Variants in COBL observed in about 807,000 individuals in gnomAD.
The protein encoded by COBL is protein cordon-bleu.
Under a neutral mutation model 98.8 loss-of-function variants are expected in COBL, and 51 were observed. The observed-to-expected ratio is 0.52, with a 90% CI of 0.41 to 0.65. The LOEUF is 0.65. Among genes scored for constraint, COBL ranks in the 30% least tolerant of loss-of-function variants. The pLI, the probability that COBL is intolerant of heterozygous loss-of-function variation, is 0.00. For missense variants in COBL, 1,617 were observed against 1,617.5 expected (o/e 1.00, Z 0.01); for synonymous variants, 634 against 651.7 (o/e 0.97, Z 0.41).
chr7:51,234,603 A>C (rs1293400173), intron 1 of COBL, among the ~76,000 whole-genome samples: 1 of 148,282 alleles, frequency 6.7e-6, no homozygotes, highest in Non-Finnish European at 1.5e-5. Context: ...CTGGTGGCTG[A>C]GGTGGAAGAA....
intron 1 of COBL, among the ~76,000 whole-genome samples, chr7:51,261,890 G>T (rs1797752792): frequency 6.6e-6 from 1 of 152,152 alleles, no homozygotes; most frequent in African/African-American, 2.4e-5. Context: ...GGAGGTTGCA[G>T]TGAGCCAAGA....
In COBL at chr7:51,017,346, G is replaced by C. The variant is rs753620080; in HGVS notation, c.*205C>G. The C allele has an allele frequency of 6.6e-6, 4 of 609,552 alleles. No individual in the cohort carries two copies. The Admixed American group carries it at 1.1e-4, about 17-fold the overall frequency. 37.8% of individuals were successfully genotyped at this position (609,552 alleles called of 1,614,324 possible). ...TTCAGAGGCAAAACACATTTCCTTG[G>C]CACACGAGCTGCGCAGCGACACAGC... On this transcript the variant is annotated 3_prime_UTR_variant, in exon 13 of 13. Coordinates refer to ENST00000265136, the MANE Select transcript of COBL (RefSeq NM_015198.5).
chr7:51,265,674 G>A (rs1421996947), intron 1 of COBL, among the ~76,000 whole-genome samples: 2 of 152,216 alleles, frequency 1.3e-5, no homozygotes, highest in African/African-American at 4.8e-5. Context: ...GGGGCAGGTA[G>A]GTGGGCTGGC....
chr7:51,161,429 C>T (rs187076544), intron 5 of COBL, among the ~76,000 whole-genome samples: 8 of 152,318 alleles, frequency 5.3e-5, no homozygotes, highest in African/African-American at 1.9e-4. Flanking sequence ...TAAATGCCTG[C>T]CTCCAATACT....
At chr7:51,136,136 T>G in intron 6 of COBL, 22 bp downstream of exon 6, 3 of 1,598,100 alleles carry the variant, frequency 1.9e-6, no homozygotes, top group Non-Finnish European at 2.6e-6. Flanking sequence ...GCTTTGGTTG[T>G]GAGAACAGCC....
intron 5 of COBL, among the ~76,000 whole-genome samples, chr7:51,182,320 C>T (rs1390094757): frequency 6.7e-6 from 1 of 150,064 alleles, no homozygotes; most frequent in Admixed American, 6.6e-5. Context: ...CTCGCTCTGT[C>T]GCCCAGGCTG....
At chr7:51,049,314 G>A (rs1790016197) in intron 7 of COBL, among the ~76,000 whole-genome samples, 1 of 152,178 alleles carries the variant, frequency 6.6e-6, no homozygotes, top group Non-Finnish European at 1.5e-5. Flanking sequence ...TGAGTTTCCT[G>A]ATGGGTGAGG....
intron 1 of COBL, among the ~76,000 whole-genome samples, chr7:51,238,295 C>T (rs945281757): frequency 6.6e-6 from 1 of 152,186 alleles, no homozygotes. Context: ...TTCTTTGGAG[C>T]AAGGATGGCT....
At chr7:51,286,936 G>C (rs1025819945) in intron 1 of COBL, among the ~76,000 whole-genome samples, 1 of 152,126 alleles carries the variant, frequency 6.6e-6, no homozygotes, top group African/African-American at 2.4e-5. Context: ...CCATAAAAAA[G>C]AATTAAATCA....
intron 2 of COBL, among the ~76,000 whole-genome samples, chr7:51,195,649 T>A (rs1790522423): frequency 1.3e-5 from 2 of 151,914 alleles, no homozygotes. Flanking sequence ...TTTCCATTTG[T>A]TTGTAACATT....
Position 51,029,351 on chromosome 7 carries a change from A to C in COBL, c.1745T>G (p.Leu582Arg). Residue 582 changes from leucine (L) to arginine (R), a missense_variant, in exon 10 of 13, where the codon CTT becomes CGT. Coordinates refer to ENST00000265136, the MANE Select transcript of COBL (RefSeq NM_015198.5). Reference protein sequence around the residue: ...VASRRDSLAPLQAEHSQPHEK... With the variant: ...VASRRDSLAPRQAEHSQPHEK... ...ATGGGGCTGGCTGTGCTCAGCTTGAAGTGGCGCCAGGGAGTCTCTCCTGCT... is the reference window on the plus strand; with the variant it reads ...ATGGGGCTGGCTGTGCTCAGCTTGACGTGGCGCCAGGGAGTCTCTCCTGCT... The C allele has an allele frequency of 6.2e-7, 1 of 1,605,652 alleles. No homozygotes were observed.
chr7:51,116,533 TA>T (rs1361790340), intron 6 of COBL, among the ~76,000 whole-genome samples: 1 of 152,182 alleles, frequency 6.6e-6, no homozygotes, highest in Non-Finnish European at 1.5e-5. Context: ...TTATAATTTT[TA>T]AGCAATCACA....
intron 5 of COBL, among the ~76,000 whole-genome samples, chr7:51,160,979 C>G (rs1786742481): frequency 6.6e-6 from 1 of 151,970 alleles, no homozygotes; most frequent in Admixed American, 6.6e-5. Context: ...TCGAGGCTCA[C>G]TGCAACCTCT....
intron 7 of COBL, among the ~76,000 whole-genome samples, chr7:51,068,129 A>G (rs1792141968): frequency 6.6e-6 from 1 of 152,206 alleles, no homozygotes; most frequent in Admixed American, 6.5e-5. Flanking sequence ...ACCTCCTCTC[A>G]GCTACTTTTG....
chr7:51,187,769 T>A, intron 4 of COBL: 1 of 528,290 alleles, frequency 1.9e-6, no homozygotes, highest in Non-Finnish European at 2.9e-6. Flanking sequence ...CATGTCAGCC[T>A]CGCATGCACC....
At chr7:51,224,021 G>A (rs1193065188) in intron 1 of COBL, among the ~76,000 whole-genome samples, 1 of 152,156 alleles carries the variant, frequency 6.6e-6, no homozygotes, top group Non-Finnish European at 1.5e-5. Context: ...GGTTAGATAT[G>A]TTGAGACATA....
At chr7:51,163,624 C>T (rs1787025697) in intron 5 of COBL, among the ~76,000 whole-genome samples, 1 of 152,144 alleles carries the variant, frequency 6.6e-6, no homozygotes, top group Non-Finnish European at 1.5e-5. Flanking sequence ...AAAAATATAT[C>T]CCAGAAAACA....
intron 7 of COBL, among the ~76,000 whole-genome samples, chr7:51,077,769 T>C (rs1371330375): frequency 1.3e-5 from 2 of 152,222 alleles, no homozygotes; most frequent in African/African-American, 4.8e-5. Context: ...TAATAGTTCC[T>C]CTGCTCCAGA....
chr7:51,139,050 C>T (rs1359939829), intron 5 of COBL, among the ~76,000 whole-genome samples: 1 of 152,128 alleles, frequency 6.6e-6, no homozygotes, highest in Non-Finnish European at 1.5e-5. Context: ...AGCCCCCTTC[C>T]ATTTCATATT....
Sources: gnomAD v4.1 joint callset for allele counts (sites outside exome capture counted in the v4.1 genomes callset) on GRCh38, gnomAD v4.1.1 for gene constraint, MANE v1.5 for transcripts, NCBI Gene and HGNC (gene_info 2026-07-23, HGNC 2026-07-21) for gene names.